BOD1L1: variants seen among roughly 807,000 people sequenced by gnomAD.
BOD1L1 encodes biorientation of chromosomes in cell division 1 like 1.
In BOD1L1, 86 loss-of-function variants were observed where a neutral mutation model predicts 240.7. The observed-to-expected ratio is 0.36, with a 90% CI of 0.30 to 0.43. BOD1L1 has a LOEUF of 0.43. BOD1L1 is among the 20% of genes least tolerant of loss of function. BOD1L1 has a pLI of 1.00. For missense variants in BOD1L1, 3,554 were observed against 3,643.5 expected (o/e 0.98, Z 0.63); for synonymous variants, 1,268 against 1,272.3 (o/e 1.00, Z 0.07).
intron 25 of BOD1L1, among the ~76,000 whole-genome samples, chr4:13,571,879 T>C (rs962470861): frequency 6.6e-5 from 10 of 152,234 alleles, no homozygotes; most frequent in Non-Finnish European, 1.5e-4. Context: ...AGCATGTATG[T>C]GAAACTGCCT....
In BOD1L1 at chr4:13,587,683, A is replaced by G. The variant is rs748258014; in HGVS notation, c.8353+16T>C. The G allele has an allele frequency of 1.3e-6, 2 of 1,515,914 alleles. No homozygotes were observed. The highest frequency in any genetic ancestry group is 1.8e-6 in the Non-Finnish European group (2 of 1,116,364). 93.9% of individuals were successfully genotyped at this position (1,515,914 alleles called of 1,614,324 possible). A position where few individuals can be genotyped will look rare whatever the true frequency, so the allele number is the denominator to read the frequency against. On this transcript the variant is annotated intron_variant, in intron 16 of 25. Coordinates refer to ENST00000040738, the MANE Select transcript of BOD1L1 (RefSeq NM_148894.3). ...ATTTTCAAAGATGTCTAAAACAGAAACATAAATATAAATACCTGGTTCATC... is the reference window on the plus strand; with the variant it reads ...ATTTTCAAAGATGTCTAAAACAGAAGCATAAATATAAATACCTGGTTCATC...
intron 2 of BOD1L1, among the ~76,000 whole-genome samples, chr4:13,617,949 T>C (rs1560218288): frequency 6.6e-6 from 1 of 152,160 alleles, no homozygotes; most frequent in Non-Finnish European, 1.5e-5. Context: ...GCAGCTGTCT[T>C]CCCTCTTTCA....
Position 13,599,505 on chromosome 4 carries a change from CAAT to C in BOD1L1, c.7392_7394del (p.Leu2466del). ...TATCTTCTTTCTGAAGGGAGTTCAACAATACATTCTTCTCTTCTGCATTTATGA... is the reference window on the plus strand; with the variant it reads ...TATCTTCTTTCTGAAGGGAGTTCAACACATTCTTCTCTTCTGCATTTATGA... On this transcript the variant is annotated inframe_deletion, in exon 10 of 26. Coordinates refer to ENST00000040738, the MANE Select transcript of BOD1L1 (RefSeq NM_148894.3). 6.2e-7 allele frequency: 1 copy of C among 1,614,048 alleles called. No individual in the cohort carries two copies. Among genetic ancestry groups the C allele is most frequent in the Non-Finnish European group, 8.5e-7 (1 of 1,179,902 alleles).
intron 1 of BOD1L1, chr4:13,625,866 C>A (rs774035964): frequency 1.3e-5 from 2 of 152,128 alleles, no homozygotes; most frequent in Admixed American, 1.3e-4. Flanking sequence ...TCCCGAAAAA[C>A]CACGTTTTAC....
rs201304977 is a variant in BOD1L1, at chr4:13,570,138, G to C, written c.9039-10C>G. ...GAGCTGTGTCTTTGATCTGCATTAAGCAAAGTCAAGGCAATGGTGAGGTTT... is the reference window on the plus strand; with the variant it reads ...GAGCTGTGTCTTTGATCTGCATTAACCAAAGTCAAGGCAATGGTGAGGTTT... On this transcript the variant is annotated splice_polypyrimidine_tract_variant and intron_variant, in intron 25 of 25. Coordinates refer to ENST00000040738, the MANE Select transcript of BOD1L1 (RefSeq NM_148894.3). 1,975 of 1,550,350 alleles carry C rather than the reference G, an allele frequency of 1.3e-3. 3 individuals carry two copies. Among genetic ancestry groups the C allele is most frequent in the Non-Finnish European group, 1.5e-3 (1,741 of 1,151,112 alleles).
chr4:13,616,974 T>TGC (rs1553847769), intron 2 of BOD1L1, among the ~76,000 whole-genome samples: 2 of 152,148 alleles, frequency 1.3e-5, no homozygotes, highest in Non-Finnish European at 1.5e-5. Flanking sequence ...GGACCGGGCA[T>TGC]GGTGGCTCAC....
intron 11 of BOD1L1, among the ~76,000 whole-genome samples, chr4:13,596,706 A>G (rs1178573871): frequency 6.6e-6 from 1 of 152,224 alleles, no homozygotes; most frequent in Non-Finnish European, 1.5e-5. Flanking sequence ...TGTGAATCAC[A>G]CTGGAGGAGG....
chr4:13,607,171 G>T lies in BOD1L1; in HGVS notation c.1761C>A (p.Ser587=). Reference sequence around the variant, plus strand: ...CTTCTTCATATTGCTGTTTCTTTTTGGAGTTCTCTTCAACATTCCTAAGGG... The same window carrying T: ...CTTCTTCATATTGCTGTTTCTTTTTTGAGTTCTCTTCAACATTCCTAAGGG... ...KKDSRNVEEN[S]KKKQQYEEDS... Residue 587 remains serine, a synonymous_variant, in exon 9 of 26, where the codon TCC becomes TCA. Coordinates refer to ENST00000040738, the MANE Select transcript of BOD1L1 (RefSeq NM_148894.3). The T allele has an allele frequency of 6.4e-7, 1 of 1,573,266 alleles. No individual in the cohort carries two copies. The highest frequency in any genetic ancestry group is 1.4e-5 in the African/African-American group (1 of 72,936).
At position 13,627,498 on chromosome 4, in the gene BOD1L1, C is replaced by T. The variant is rs1717493040; in HGVS notation, c.90G>A (p.Pro30=). ...CCGCGCCGGGGCCAGCCCCGGGGCC[C>T]GGCGGCGGCGGCGGTGGCTGCGGCT... The part of the protein sequence containing the change: ...QPQPQPPPPP[P]GPGAGPGAGG... Residue 30 remains proline (P), a synonymous_variant, in exon 1 of 26, where the codon CCG becomes CCA. Transcript: ENST00000040738. 4.1e-6 allele frequency: 4 copies of T among 982,478 alleles called. No individual in the cohort carries two copies. Among genetic ancestry groups the T allele is most frequent in the Non-Finnish European group, 2.4e-6 (2 of 824,956 alleles). 60.9% of individuals were successfully genotyped at this position (982,478 alleles called of 1,614,324 possible). A position where few individuals can be genotyped will look rare whatever the true frequency, so the allele number is the denominator to read the frequency against.
Position 13,603,043 on chromosome 4 carries a change from G to A in BOD1L1, c.3857C>T (p.Ser1286Leu), listed in dbSNP as rs756442139. The change falls in exon 10 of 26, where the codon TCA (serine) becomes TTA (leucine). Residue 1286 changes from serine to leucine, a missense_variant. Ser to Leu is a moderately radical substitution (Grantham distance 145). Around this residue, in one of 2 missense-constraint regions of BOD1L1, gnomAD observed 3,393 missense variants for 3,427.1 expected, o/e 0.99. Transcript: ENST00000040738. ...TTCCCTCAGAGGCACAACAGTCACT[G>A]AACTTAAGGATGGTGAGGAGTCTAA... ...TNLDSSPSLS[S>L]VTVVPLRESY... is the part of the protein sequence containing the mutation. 1 of 1,614,016 alleles carries A rather than the reference G, an allele frequency of 6.2e-7. No homozygotes were observed. The highest frequency in any genetic ancestry group is 8.5e-7 in the Non-Finnish European group (1 of 1,179,876).
At position 13,613,420 on chromosome 4, in the gene BOD1L1, A is replaced by C; in HGVS notation, c.1324+92T>G. The C allele has an allele frequency of 8.9e-5, 111 of 1,248,068 alleles. No homozygotes were observed. The highest frequency in any genetic ancestry group is 1.1e-4 in the Non-Finnish European group (96 of 902,368). 77.3% of individuals were successfully genotyped at this position (1,248,068 alleles called of 1,614,324 possible). A position where few individuals can be genotyped will look rare whatever the true frequency, so the allele number is the denominator to read the frequency against. ...TACAAAATCCCATGCTCTTGCTACT[A>C]TACCACACTGTTTCTCAGGATATAG... is the stretch of plus-strand genomic sequence containing the variant. On this transcript the variant is annotated intron_variant, in intron 5 of 25. Transcript: ENST00000040738. This position sits in a 1 kb window ranked among gnomAD's most constrained non-coding sequence, Gnocchi z 4.0.
At position 13,603,354 on chromosome 4, in the gene BOD1L1, C is replaced by G. The variant is rs143644971; in HGVS notation, c.3546G>C (p.Lys1182Asn). ...TATTAACTCCTGTTCCACGGCCTGG[C>G]TTATAAGCTGGAGCTGTTGCTTTTG... ...ADSKATAPAY[K>N]PGRGTGVNSN... is the part of the protein sequence containing the mutation. Residue 1182 changes from lysine (K) to asparagine (N), a missense_variant, in exon 10 of 26, where the codon AAG becomes AAC. Coordinates refer to ENST00000040738, the MANE Select transcript of BOD1L1 (RefSeq NM_148894.3). The G allele has an allele frequency of 3.4e-5, 55 of 1,613,866 alleles. No individual in the cohort carries two copies. In the African/African-American group the frequency reaches 6.9e-4, roughly 20 times the overall value.
At chr4:13,585,533 T>A (rs1713608164) in intron 17 of BOD1L1, among the ~76,000 whole-genome samples, 1 of 151,820 alleles carries the variant, frequency 6.6e-6, no homozygotes, top group Admixed American at 6.6e-5. Context: ...AGAACACAAA[T>A]ACAAATTTGT....
rs1294441635 is a variant in BOD1L1, at chr4:13,603,096, T to C, written c.3804A>G (p.Gly1268=). The C allele has an allele frequency of 1.2e-6, 2 of 1,613,842 alleles. No homozygotes were observed. The highest frequency in any genetic ancestry group is 4.5e-5 in the East Asian group (2 of 44,904). ...TTGTGGAATGTTCAAGAGTGGCATC[T>C]CCTTGAGCAACATGTTCTTCAGCAG... ...NTAAEEHVAQ[G]DATLEHSTNL... Residue 1268 remains glycine (G), a synonymous_variant, in exon 10 of 26, where the codon GGA becomes GGG. Transcript: ENST00000040738.
At chr4:13,590,796 A>C (rs1714143220) in intron 13 of BOD1L1, among the ~76,000 whole-genome samples, 1 of 152,092 alleles carries the variant, frequency 6.6e-6, no homozygotes, top group African/African-American at 2.4e-5. Context: ...ACTCTATAGG[A>C]TTCTGTAATA....
In BOD1L1 at chr4:13,570,133, A is replaced by G; in HGVS notation, c.9039-5T>C. On this transcript the variant is annotated splice_region_variant and splice_polypyrimidine_tract_variant and intron_variant, in intron 25 of 25. Transcript: ENST00000040738. Reference sequence around the variant, plus strand: ...GGGGAGAGCTGTGTCTTTGATCTGCATTAAGCAAAGTCAAGGCAATGGTGA... The same window carrying G: ...GGGGAGAGCTGTGTCTTTGATCTGCGTTAAGCAAAGTCAAGGCAATGGTGA... 6.4e-7 allele frequency: 1 copy of G among 1,567,008 alleles called. No individual in the cohort carries two copies. Among genetic ancestry groups the G allele is most frequent in the Non-Finnish European group, 8.6e-7 (1 of 1,160,422 alleles).
chr4:13,580,474 C>T (rs755463280), intron 21 of BOD1L1, among the ~76,000 whole-genome samples: 1 of 152,142 alleles, frequency 6.6e-6, no homozygotes, highest in Non-Finnish European at 1.5e-5. Context: ...ACACGTCTGT[C>T]CTCCTTACAA....
intron 17 of BOD1L1, among the ~76,000 whole-genome samples, chr4:13,584,079 T>A (rs1713446849): frequency 6.6e-6 from 1 of 152,252 alleles, no homozygotes; most frequent in Admixed American, 6.5e-5. Flanking sequence ...GCCAACAATC[T>A]ATACAGTAAA....
chr4:13,592,064 A>G lies in BOD1L1; in HGVS notation c.8105-98T>C, dbSNP rs1714262461. ...ATTTTTAGGATAGGGAACCTATCCT[A>G]TGTCACCAAGTGGCTTAGCTGCTTT... On this transcript the variant is annotated intron_variant, in intron 12 of 25. Transcript: ENST00000040738. 12 of 840,602 alleles carry G rather than the reference A, an allele frequency of 1.4e-5. No homozygotes were observed. The South Asian group carries it at 1.7e-4, about 12-fold the overall frequency. 52.1% of individuals were successfully genotyped at this position (840,602 alleles called of 1,614,324 possible).
Sources: gnomAD v4.1 joint callset for allele counts (sites outside exome capture counted in the v4.1 genomes callset) on GRCh38, gnomAD v4.1.1 for gene constraint, gnomAD v4.1.1 regional missense constraint, Gnocchi (gnomAD v3.1) non-coding constraint, MANE v1.5 for transcripts, NCBI Gene and HGNC (gene_info 2026-07-23, HGNC 2026-07-21) for gene names.